Variants in MBD5 observed in about 807,000 individuals in gnomAD.
MBD5 encodes the protein methyl-CpG-binding domain protein 5.
MBD5 carries 13 observed loss-of-function variants against 117.3 expected under a neutral mutation model. That is an observed-to-expected ratio of 0.11 (90% CI 0.07 to 0.18). The LOEUF (loss-of-function observed/expected upper bound fraction) is 0.18. MBD5 is among the 10% of genes least tolerant of loss of function. MBD5 has a pLI of 1.00. For synonymous variants in MBD5, 727 were observed against 766.4 expected (o/e 0.95, Z 0.85); for missense variants, 1,879 against 2,093.8 (o/e 0.90, Z 2.00).
chr2:148,126,622 C>T (rs919643727), intron 1 of MBD5, among the ~76,000 whole-genome samples: 2 of 152,088 alleles, frequency 1.3e-5, no homozygotes, highest in African/African-American at 4.8e-5. Context: ...TTATATTTTT[C>T]AGGTTGTGGT....
At chr2:148,252,053 G>A (rs1429715392) in intron 3 of MBD5, among the ~76,000 whole-genome samples, 1 of 152,162 alleles carries the variant, frequency 6.6e-6, no homozygotes, top group Non-Finnish European at 1.5e-5. Context: ...GGCTGCCACA[G>A]TGATTGGAGA....
intron 1 of MBD5, among the ~76,000 whole-genome samples, chr2:148,172,222 T>C (rs1218199509): frequency 6.6e-6 from 1 of 152,204 alleles, no homozygotes; most frequent in Non-Finnish European, 1.5e-5. Flanking sequence ...GCAGTGGCTG[T>C]AGACCCTGGC....
intron 1 of MBD5, among the ~76,000 whole-genome samples, chr2:148,032,012 AC>A (rs1694052136): frequency 6.6e-6 from 1 of 152,126 alleles, no homozygotes; most frequent in South Asian, 2.1e-4. Context: ...TCCAGTCTTC[AC>A]CTACTACCAG....
At chr2:148,378,145 C>T (rs530820866) in intron 4 of MBD5, among the ~76,000 whole-genome samples, 13 of 152,178 alleles carry the variant, frequency 8.5e-5, no homozygotes, top group African/African-American at 2.4e-4. Context: ...ATGCATTCTA[C>T]AGTATTCATT....
At chr2:148,157,107 T>A (rs1346455418) in intron 1 of MBD5, among the ~76,000 whole-genome samples, 1 of 152,194 alleles carries the variant, frequency 6.6e-6, no homozygotes, top group Non-Finnish European at 1.5e-5. Context: ...AATCAAAACA[T>A]CTGTTCATTT....
At chr2:148,072,413 A>C (rs1695383449) in intron 1 of MBD5, among the ~76,000 whole-genome samples, 1 of 152,188 alleles carries the variant, frequency 6.6e-6, no homozygotes. Flanking sequence ...CTATTATAGA[A>C]ATCATCATCA....
intron 3 of MBD5, among the ~76,000 whole-genome samples, chr2:148,317,999 G>C (rs1702194262): frequency 6.6e-6 from 1 of 152,094 alleles, no homozygotes; most frequent in Non-Finnish European, 1.5e-5. Flanking sequence ...TTGAATTGTA[G>C]TTCTATTCTT....
chr2:148,153,250 G>T (rs954320523), intron 1 of MBD5, among the ~76,000 whole-genome samples: 43 of 151,792 alleles, frequency 2.8e-4, no homozygotes, highest in African/African-American at 1.0e-3. Flanking sequence ...TTTTCTTTAA[G>T]AATGTTGAAT....
At chr2:148,332,151 A>G (rs1017431934) in intron 3 of MBD5, among the ~76,000 whole-genome samples, 5 of 152,168 alleles carry the variant, frequency 3.3e-5, no homozygotes, top group African/African-American at 1.2e-4. Context: ...CTAAATCCTT[A>G]CTATGCAAGC....
intron 2 of MBD5, among the ~76,000 whole-genome samples, chr2:148,180,112 T>C (rs1468552945): frequency 6.6e-6 from 1 of 151,770 alleles, no homozygotes; most frequent in Non-Finnish European, 1.5e-5. Context: ...GTTAACTGTT[T>C]AATGATTTTT....
chr2:148,278,965 G>C (rs1650587419), intron 3 of MBD5, among the ~76,000 whole-genome samples: 1 of 152,186 alleles, frequency 6.6e-6, no homozygotes, highest in Non-Finnish European at 1.5e-5. Context: ...CAGGAGAGAA[G>C]TGGTGAAAAA....
chr2:148,110,262 A>G (rs1348640493), intron 1 of MBD5, among the ~76,000 whole-genome samples: 3 of 152,214 alleles, frequency 2.0e-5, no homozygotes, highest in African/African-American at 7.2e-5. Context: ...ACGTTGAGCC[A>G]GAATTCAGTC....
chr2:148,161,704 A>G (rs1389232492), intron 1 of MBD5, among the ~76,000 whole-genome samples: 1 of 152,158 alleles, frequency 6.6e-6, no homozygotes, highest in Non-Finnish European at 1.5e-5. Flanking sequence ...CAGGAACTGT[A>G]AGGATTATTT....
At chr2:148,108,014 A>G (rs934281391) in intron 1 of MBD5, among the ~76,000 whole-genome samples, 1 of 152,126 alleles carries the variant, frequency 6.6e-6, no homozygotes, top group Non-Finnish European at 1.5e-5. Context: ...GATTCAAACT[A>G]CAGACTTCAA....
At chr2:148,310,996 C>T (rs1280504291) in intron 3 of MBD5, among the ~76,000 whole-genome samples, 2 of 152,160 alleles carry the variant, frequency 1.3e-5, no homozygotes, top group African/African-American at 4.8e-5. Context: ...TTTGATTGTA[C>T]TGTGGTCTGA....
Position 148,515,233 on chromosome 2 carries a change from A to G in MBD5, c.*2292A>G, listed in dbSNP as rs1336501425. The G allele has an allele frequency of 3.3e-5, 5 of 152,164 alleles. No individual in the cohort carries two copies. Among genetic ancestry groups the G allele is most frequent in the African/African-American group, 1.2e-4 (5 of 41,432 alleles). 9.4% of individuals were successfully genotyped at this position (152,164 alleles called of 1,614,324 possible). ...TTTTAGCCTTTGCTTTTCTGTCTTC[A>G]GGCTGAGTTTGTGTTGACCAAGCCT... On this transcript the variant is annotated 3_prime_UTR_variant, in exon 14 of 14. Coordinates refer to ENST00000642680, the MANE Select transcript of MBD5 (RefSeq NM_001378120.1).
intron 4 of MBD5, among the ~76,000 whole-genome samples, chr2:148,457,871 A>G (rs1706934271): frequency 6.6e-6 from 1 of 152,184 alleles, no homozygotes. Flanking sequence ...ACGGTCATTA[A>G]GAAGTGATGG....
At chr2:148,047,430 G>A (rs1415057879) in intron 1 of MBD5, among the ~76,000 whole-genome samples, 1 of 152,170 alleles carries the variant, frequency 6.6e-6, no homozygotes, top group Admixed American at 6.5e-5. Context: ...AGGATCATGG[G>A]CAATGGCAAT....
chr2:148,139,024 G>A (rs1697240692), intron 1 of MBD5, among the ~76,000 whole-genome samples: 2 of 152,052 alleles, frequency 1.3e-5, no homozygotes, highest in East Asian at 3.9e-4. Context: ...CGTTACTAAT[G>A]TATTTGAAAA....
Sources: allele counts gnomAD v4.1 joint callset (sites outside exome capture counted in the v4.1 genomes callset), GRCh38; gene constraint gnomAD v4.1.1; transcripts MANE v1.5; gene names NCBI Gene and HGNC (gene_info 2026-07-23, HGNC 2026-07-21).